EXOC5: variants seen among roughly 807,000 people sequenced by gnomAD.
EXOC5 encodes SEC10-like 1.
In EXOC5, 17 loss-of-function variants were observed where a neutral mutation model predicts 90.8. That is an observed-to-expected ratio of 0.19 (90% CI 0.13 to 0.28). The LOEUF (loss-of-function observed/expected upper bound fraction) is 0.28. Ranked by LOEUF, EXOC5 falls within the 10% of genes least tolerant of loss-of-function variation. The pLI, the probability that EXOC5 is intolerant of heterozygous loss-of-function variation, is 1.00. For synonymous variants in EXOC5, 260 were observed against 270.0 expected (o/e 0.96, Z 0.36); for missense variants, 569 against 830.6 (o/e 0.69, Z 3.87).
chr14:57,247,983 C>G (rs1884078640), intron 1 of EXOC5, among the ~76,000 whole-genome samples: 2 of 148,790 alleles, frequency 1.3e-5, no homozygotes, highest in Non-Finnish European at 3.0e-5. Flanking sequence ...GCAAAGTAAA[C>G]AAACAAGTAA....
chr14:57,210,025 A>C lies in EXOC5; in HGVS notation c.1650T>G (p.Ile550Met). 6.3e-7 allele frequency: 1 copy of C among 1,598,228 alleles called. No homozygotes were observed. ...LNCMIGQMKH[I>M]LAAEQKKTDF... ...CTGTTTTCTTCTGTTCTGCAGCCAA[A>C]ATATGCTTCATCTGTCCAATCATAC... The change falls in exon 16 of 18, where the codon ATT (isoleucine) becomes ATG (methionine). Residue 550 changes from isoleucine to methionine, a missense_variant. By Grantham distance (10) the Ile-to-Met change is conservative. Transcript: ENST00000621441.
Position 57,202,931 on chromosome 14 carries a change from AAG to A in EXOC5, c.*5676_*5677del, listed in dbSNP as rs1256271378. ...GAAAATACATTCTACTGGAGAACTT[AAG>A]AGAGGCACTTAGGTATTATTCCTTA... is the stretch of plus-strand genomic sequence containing the variant. On this transcript the variant is annotated 3_prime_UTR_variant, in exon 18 of 18. Transcript: ENST00000621441. The A allele has an allele frequency of 6.6e-6, 1 of 152,138 alleles. No homozygotes were observed. The highest frequency in any genetic ancestry group is 1.5e-5 in the Non-Finnish European group (1 of 68,016). 9.4% of individuals were successfully genotyped at this position (152,138 alleles called of 1,614,324 possible). A position where few individuals can be genotyped will look rare whatever the true frequency, so the allele number is the denominator to read the frequency against.
intron 1 of EXOC5, among the ~76,000 whole-genome samples, chr14:57,254,656 C>A (rs1283880395): frequency 6.6e-6 from 1 of 152,044 alleles, no homozygotes; most frequent in African/African-American, 2.4e-5. Context: ...AGACTTAACT[C>A]CCAATGTGAT....
At chr14:57,253,724 A>G (rs61994957) in intron 1 of EXOC5, among the ~76,000 whole-genome samples, 81 of 151,988 alleles carry the variant, frequency 5.3e-4, no homozygotes, top group Middle Eastern at 3.4e-3. Flanking sequence ...TGGTCAAACA[A>G]TTTTTGACAA....
At chr14:57,262,349 C>A (rs1884526458) in intron 1 of EXOC5, among the ~76,000 whole-genome samples, 1 of 151,964 alleles carries the variant, frequency 6.6e-6, no homozygotes, top group Admixed American at 6.6e-5. Context: ...CAAGATCACA[C>A]AACTAGTAAG....
chr14:57,231,260 C>A (rs529960047), intron 11 of EXOC5, among the ~76,000 whole-genome samples: 1 of 152,174 alleles, frequency 6.6e-6, no homozygotes, highest in East Asian at 1.9e-4. Flanking sequence ...CAGCCCATCT[C>A]GGCCTCCCAA....
rs183543764 is a variant in EXOC5, at chr14:57,217,557, T to C, written c.1613+425A>G. On this transcript the variant is annotated intron_variant, in intron 15 of 17. Transcript: ENST00000621441. Reference sequence around the variant, plus strand: ...TAAGACAGTGAACCTAATTGACAAATGTAGTGTGTGTTCTGACTACTCCAG... The same window carrying C: ...TAAGACAGTGAACCTAATTGACAAACGTAGTGTGTGTTCTGACTACTCCAG... 1.2e-3 allele frequency among the ~76,000 whole-genome samples: 189 copies of C among 152,254 alleles called. 1 individual carries two copies. The highest frequency in any genetic ancestry group is 4.4e-3 in the African/African-American group (183 of 41,554).
chr14:57,259,431 T>A (rs1566506985), intron 1 of EXOC5, among the ~76,000 whole-genome samples: 1 of 152,150 alleles, frequency 6.6e-6, no homozygotes, highest in Non-Finnish European at 1.5e-5. Flanking sequence ...CCTTTAGGGT[T>A]CTTATCTTGT....
intron 1 of EXOC5, among the ~76,000 whole-genome samples, chr14:57,251,036 T>C (rs1884173370): frequency 6.6e-6 from 1 of 152,204 alleles, no homozygotes; most frequent in Admixed American, 6.5e-5. Context: ...GGAGTAAATC[T>C]GTCTCTCCAT....
rs1882595329 is a variant in EXOC5 at position 57,204,659 on chromosome 14, A to G, written c.*3950T>C. ...GTCTCTTTCTATTGTGAAAATTATC[A>G]AGCTGGAAAAGTATATAAAATAATA... On this transcript the variant is annotated 3_prime_UTR_variant, in exon 18 of 18. Coordinates refer to ENST00000621441, the MANE Select transcript of EXOC5 (RefSeq NM_006544.4). 6.6e-6 allele frequency: 1 copy of G among 152,496 alleles called. No individual in the cohort carries two copies. Among genetic ancestry groups the G allele is most frequent in the Non-Finnish European group, 1.5e-5 (1 of 67,922 alleles). The allele number at this position is 152,496 out of a possible 1,614,324, so 9.4% of individuals were successfully genotyped here.
At chr14:57,251,115 T>C (rs1884177046) in intron 1 of EXOC5, among the ~76,000 whole-genome samples, 1 of 152,212 alleles carries the variant, frequency 6.6e-6, no homozygotes, top group African/African-American at 2.4e-5. Context: ...GGCTTATATC[T>C]TCCCAGGGGA....
At chr14:57,225,901 T>TA (rs575207308) in intron 12 of EXOC5, among the ~76,000 whole-genome samples, 53 of 152,314 alleles carry the variant, frequency 3.5e-4, no homozygotes, top group South Asian at 3.3e-3. Flanking sequence ...TACAGGCAGA[T>TA]AAGAGACAAA....
At chr14:57,267,769 A>G (rs1884721740) in intron 1 of EXOC5, among the ~76,000 whole-genome samples, 1 of 152,184 alleles carries the variant, frequency 6.6e-6, no homozygotes, top group Non-Finnish European at 1.5e-5. Context: ...TAAGGTTTAG[A>G]TACTGTAAAC....
rs112989075 is a variant in EXOC5, at chr14:57,244,216, A to G, written c.414T>C (p.Asn138=). The G allele has an allele frequency of 2.9e-5, 46 of 1,613,780 alleles. 1 individual carries two copies. The highest frequency in any genetic ancestry group is 2.8e-4 in the African/African-American group (21 of 75,062). ...ATTTCAATTCTCCATCTAGAAACTC[A>G]TTAAAGTATTTCATCAATTTCTGAG... ...VEAQKLMKYF[N]EFLDGELKSD... The change falls in exon 4 of 18, where the codon AAT becomes AAC. Residue 138 remains asparagine, a synonymous_variant. Coordinates refer to ENST00000621441, the MANE Select transcript of EXOC5 (RefSeq NM_006544.4).
chr14:57,226,262 C>T (rs537930838), intron 12 of EXOC5, among the ~76,000 whole-genome samples: 2 of 152,212 alleles, frequency 1.3e-5, no homozygotes, highest in Non-Finnish European at 2.9e-5. Context: ...CATTTCCCAA[C>T]TTGAGTTTTC....
At position 57,209,943 on chromosome 14, in the gene EXOC5, T is replaced by G; in HGVS notation, c.1722+10A>C. On this transcript the variant is annotated intron_variant, in intron 16 of 17. Transcript: ENST00000621441. Reference sequence around the variant, plus strand: ...AACAAAGTATTAACAAACTGAATGATTTTACTCACATTAGTATATTGAATC... The same window carrying G: ...AACAAAGTATTAACAAACTGAATGAGTTTACTCACATTAGTATATTGAATC... 1 of 1,364,826 alleles carries G rather than the reference T, an allele frequency of 7.3e-7. No individual in the cohort carries two copies. Among genetic ancestry groups the G allele is most frequent in the Non-Finnish European group, 1.0e-6 (1 of 964,294 alleles). The allele number at this position is 1,364,826 out of a possible 1,614,324, so 84.5% of individuals were successfully genotyped here. A position where few individuals can be genotyped will look rare whatever the true frequency, so the allele number is the denominator to read the frequency against.
At chr14:57,222,692 AC>A (rs1033866637) in intron 12 of EXOC5, among the ~76,000 whole-genome samples, 6 of 150,576 alleles carry the variant, frequency 4.0e-5, no homozygotes, top group African/African-American at 9.8e-5. Context: ...TAAAATGTAT[AC>A]CCCCATATAT....
Position 57,206,982 on chromosome 14 carries a change from T to C in EXOC5, c.*1627A>G, listed in dbSNP as rs910716393. 4 of 152,432 alleles carry C rather than the reference T, an allele frequency of 2.6e-5. No homozygotes were observed. The highest frequency in any genetic ancestry group is 6.6e-5 in the Admixed American group (1 of 15,256). The allele number at this position is 152,432 out of a possible 1,614,324, so 9.4% of individuals were successfully genotyped here. On this transcript the variant is annotated 3_prime_UTR_variant, in exon 18 of 18. Transcript: ENST00000621441. ...ACATCAGAGCTTTCTAAAATGGCAATAGTACAAGCAAATGACTTTCTCTAG... is the reference window on the plus strand; with the variant it reads ...ACATCAGAGCTTTCTAAAATGGCAACAGTACAAGCAAATGACTTTCTCTAG...
chr14:57,237,519 A>G, intron 5 of EXOC5, 153 bp from the exon 6 acceptor site: 1 of 527,806 alleles, frequency 1.9e-6, no homozygotes, highest in Non-Finnish European at 3.4e-6. Flanking sequence ...AACCATTATA[A>G]AGTTAAAAGG....
Sources: gnomAD v4.1 joint callset for allele counts (sites outside exome capture counted in the v4.1 genomes callset) on GRCh38, gnomAD v4.1.1 for gene constraint, MANE v1.5 for transcripts, NCBI Gene and HGNC (gene_info 2026-07-23, HGNC 2026-07-21) for gene names.